SDK1: variants seen among roughly 807,000 people sequenced by gnomAD.
The protein encoded by SDK1 is protein sidekick-1.
A neutral mutation model predicts 245.5 loss-of-function variants in SDK1; 157 were observed. The ratio of observed to expected loss-of-function variants is 0.64; its 90% confidence interval spans 0.56 to 0.73. The LOEUF (loss-of-function observed/expected upper bound fraction) is 0.73, where lower values mean the gene tolerates loss of function less well. Ranked by LOEUF, SDK1 falls within the 30% of genes least tolerant of loss-of-function variation. The pLI is 0.00. For missense variants in SDK1, 3,583 were observed against 3,002.3 expected (o/e 1.19, Z -4.52); for synonymous variants, 1,647 against 1,278.5 (o/e 1.29, Z -6.15).
At position 4,255,752 on chromosome 7, in the gene SDK1, C is replaced by T. The variant is rs535771565; in HGVS notation, c.6382-9372C>T. Among the ~76,000 whole-genome samples, 12 of 152,212 alleles carry T rather than the reference C, an allele frequency of 7.9e-5. No homozygotes were observed. The South Asian group carries it at 2.1e-3, about 26-fold the overall frequency. On this transcript the variant is annotated intron_variant, in intron 44 of 44. Coordinates refer to ENST00000404826, the MANE Select transcript of SDK1 (RefSeq NM_152744.4). ...GCCCTGCCTTGTTGCCACATCTGCC[C>T]AGGGTGGAATTTCTGTCACACTGAG... is the stretch of plus-strand genomic sequence containing the variant.
chr7:3,556,752 C>G (rs1779598634), intron 1 of SDK1, among the ~76,000 whole-genome samples: 1 of 152,034 alleles, frequency 6.6e-6, no homozygotes, highest in East Asian at 1.9e-4. Context: ...CAAGATCACG[C>G]CACTGCACTC....
At chr7:4,259,474 G>C (rs1237414070) in intron 44 of SDK1, among the ~76,000 whole-genome samples, 1 of 152,150 alleles carries the variant, frequency 6.6e-6, no homozygotes, top group Admixed American at 6.5e-5. Context: ...CACAAATACA[G>C]ATCCCTGATC....
In SDK1 at chr7:4,265,425, T is replaced by C; in HGVS notation, c.*41T>C. 2 of 1,403,520 alleles carry C rather than the reference T, an allele frequency of 1.4e-6. No individual in the cohort carries two copies. The highest frequency in any genetic ancestry group is 3.1e-5 in the South Asian group (2 of 64,144). The allele number at this position is 1,403,520 out of a possible 1,614,324, so 86.9% of individuals were successfully genotyped here. On this transcript the variant is annotated 3_prime_UTR_variant, in exon 45 of 45. Transcript: ENST00000404826. ...TCCCTCAGGGCGGAACGGAGGCAAC[T>C]TTCCGGAGTCTATTTTTGTTAAGAC...
At chr7:4,250,769 C>G (rs927759792) in intron 44 of SDK1, among the ~76,000 whole-genome samples, 1 of 152,200 alleles carries the variant, frequency 6.6e-6, no homozygotes, top group African/African-American at 2.4e-5. Flanking sequence ...TAGTCAGAAT[C>G]TTCTTTTTAA....
intron 4 of SDK1, among the ~76,000 whole-genome samples, chr7:3,759,421 T>G (rs1057002332): frequency 5.3e-5 from 8 of 152,140 alleles, no homozygotes; most frequent in Admixed American, 5.2e-4. Context: ...AAAGTAGCTG[T>G]GCATCCTGAT....
chr7:3,325,208 T>G (rs1169215219), intron 1 of SDK1, among the ~76,000 whole-genome samples: 2 of 152,112 alleles, frequency 1.3e-5, no homozygotes, highest in African/African-American at 4.8e-5. Flanking sequence ...AGACCATATG[T>G]TAAACATTGA....
At chr7:4,202,575 C>T (rs541043659) in intron 35 of SDK1, among the ~76,000 whole-genome samples, 13 of 152,266 alleles carry the variant, frequency 8.5e-5, no homozygotes, top group Non-Finnish European at 1.0e-4. Context: ...AGGGCCATGT[C>T]GCTGTCCCCA....
rs148213318 is a variant in SDK1 at position 3,718,738 on chromosome 7, C to A, written c.713+76633C>A. On this transcript the variant is annotated intron_variant, in intron 4 of 44. Coordinates refer to ENST00000404826, the MANE Select transcript of SDK1 (RefSeq NM_152744.4). ...TTTTTCCCCAAAGTTGGGAACCAGG[C>A]AAGAATGACCGCTCTCCCACTCTTA... 1.2e-3 allele frequency among the ~76,000 whole-genome samples: 179 copies of A among 150,912 alleles called. 1 individual carries two copies. Among genetic ancestry groups the A allele is most frequent in the African/African-American group, 4.1e-3 (166 of 40,912 alleles).
At chr7:3,576,086 G>T (rs1216998938) in intron 1 of SDK1, among the ~76,000 whole-genome samples, 3 of 152,090 alleles carry the variant, frequency 2.0e-5, no homozygotes, top group African/African-American at 4.8e-5. Flanking sequence ...TTACATTTCA[G>T]ATCCAGTTTC....
chr7:4,268,916 A>G lies in SDK1; in HGVS notation c.*3532A>G. 2 of 348,408 alleles carry G rather than the reference A, an allele frequency of 5.7e-6. No individual in the cohort carries two copies. Among genetic ancestry groups the G allele is most frequent in the South Asian group, 4.7e-5 (2 of 42,154 alleles). 21.6% of individuals were successfully genotyped at this position (348,408 alleles called of 1,614,324 possible). On this transcript the variant is annotated 3_prime_UTR_variant, in exon 45 of 45. Coordinates refer to ENST00000404826, the MANE Select transcript of SDK1 (RefSeq NM_152744.4). The stretch of plus-strand genomic sequence containing the variant: ...ATTGTGCAGAAAAACAGATCTCATT[A>G]AAAGAAAAAAAGAAACAACTTGTAG...
At chr7:3,637,832 T>C (rs1427748735) in intron 2 of SDK1, among the ~76,000 whole-genome samples, 2 of 152,226 alleles carry the variant, frequency 1.3e-5, no homozygotes, top group Admixed American at 6.5e-5. Context: ...AGTGAATACA[T>C]TGTGCTGAGA....
At chr7:4,209,575 G>T (rs1222035910) in intron 37 of SDK1, among the ~76,000 whole-genome samples, 2 of 152,202 alleles carry the variant, frequency 1.3e-5, no homozygotes, top group Non-Finnish European at 2.9e-5. Context: ...GGAGCCAGGG[G>T]TGTCCCCCAA....
chr7:3,307,728 G>A (rs538818998), intron 1 of SDK1, among the ~76,000 whole-genome samples: 17 of 152,264 alleles, frequency 1.1e-4, no homozygotes, highest in Non-Finnish European at 2.5e-4. Flanking sequence ...AAGACATTGG[G>A]CTAAGTATCA....
At position 4,267,725 on chromosome 7, in the gene SDK1, A is replaced by C; in HGVS notation, c.*2341A>C. 2 of 985,446 alleles carry C rather than the reference A, an allele frequency of 2.0e-6. No individual in the cohort carries two copies. The highest frequency in any genetic ancestry group is 9.4e-5 in the South Asian group (2 of 21,292). 61.0% of individuals were successfully genotyped at this position (985,446 alleles called of 1,614,324 possible). Reference sequence around the variant, plus strand: ...TTGTTGCTCTCGGGTTTTCGATACAACATCATGACACTTCTGTTTCAAGCT... The same window carrying C: ...TTGTTGCTCTCGGGTTTTCGATACACCATCATGACACTTCTGTTTCAAGCT... On this transcript the variant is annotated 3_prime_UTR_variant, in exon 45 of 45. Transcript: ENST00000404826.
At chr7:3,342,502 C>T (rs908264198) in intron 1 of SDK1, among the ~76,000 whole-genome samples, 9 of 152,046 alleles carry the variant, frequency 5.9e-5, no homozygotes, top group South Asian at 2.1e-4. Context: ...GCAGGAGACT[C>T]GCTTGAACCC....
chr7:4,055,662 C>T (rs1205061239), intron 19 of SDK1, among the ~76,000 whole-genome samples: 1 of 151,680 alleles, frequency 6.6e-6, no homozygotes, highest in Non-Finnish European at 1.5e-5. Flanking sequence ...AATTTCCTTC[C>T]TCTGCTTGCT....
intron 38 of SDK1, among the ~76,000 whole-genome samples, chr7:4,215,664 T>TTGG (rs1468347468): frequency 6.6e-6 from 1 of 152,132 alleles, no homozygotes; most frequent in African/African-American, 2.4e-5. Context: ...GGGAGCTGGT[T>TTGG]TGGTGGTGGT....
chr7:3,391,720 TC>T (rs1349129893), intron 1 of SDK1, among the ~76,000 whole-genome samples: 1 of 146,992 alleles, frequency 6.8e-6, no homozygotes, highest in East Asian at 2.1e-4. Flanking sequence ...CACTGCAACC[TC>T]CGCTTGCCAG....
chr7:4,072,327 G>C (rs1404825107), intron 20 of SDK1, among the ~76,000 whole-genome samples: 1 of 152,210 alleles, frequency 6.6e-6, no homozygotes, highest in East Asian at 1.9e-4. Flanking sequence ...GTCCCCTTCT[G>C]TGTGTGGCCT....
Sources: gnomAD v4.1 joint callset for allele counts (sites outside exome capture counted in the v4.1 genomes callset) on GRCh38, gnomAD v4.1.1 for gene constraint, MANE v1.5 for transcripts, NCBI Gene and HGNC (gene_info 2026-07-23, HGNC 2026-07-21) for gene names.